The following TANC2 variants were observed in gnomAD, a reference collection of about 807,000 sequenced individuals.
TANC2 encodes protein TANC2.
A neutral mutation model predicts 210.5 loss-of-function variants in TANC2; 26 were observed. The observed-to-expected ratio is 0.12, with a 90% CI of 0.09 to 0.17. The LOEUF is 0.17. Ranked by LOEUF, TANC2 falls within the 10% of genes least tolerant of loss-of-function variation. TANC2 has a pLI of 1.00. For synonymous variants in TANC2, 931 were observed against 967.1 expected (o/e 0.96, Z 0.69); for missense variants, 2,129 against 2,608.9 (o/e 0.82, Z 4.01).
chr17:63,108,219 A>T (rs188732685), intron 4 of TANC2, among the ~76,000 whole-genome samples: 9 of 151,862 alleles, frequency 5.9e-5, no homozygotes, highest in Admixed American at 5.9e-4. Flanking sequence ...AAGGATATGG[A>T]TAATTTGAAT....
chr17:63,342,914 T>TA (rs1230393896), intron 12 of TANC2, among the ~76,000 whole-genome samples: 4 of 152,218 alleles, frequency 2.6e-5, no homozygotes, highest in African/African-American at 9.6e-5. Flanking sequence ...CTATTATAAA[T>TA]ACTGTTCTAA....
intron 11 of TANC2, among the ~76,000 whole-genome samples, chr17:63,329,571 A>C (rs928634681): frequency 7.9e-5 from 12 of 152,180 alleles, no homozygotes; most frequent in Non-Finnish European, 1.8e-4. Context: ...TGTTTGCTTC[A>C]TGTCTCCATG....
chr17:63,203,347 T>C (rs1265775931), intron 7 of TANC2, among the ~76,000 whole-genome samples: 2 of 152,218 alleles, frequency 1.3e-5, no homozygotes, highest in Non-Finnish European at 2.9e-5. Flanking sequence ...AATATGAATA[T>C]CTATACATTT....
chr17:63,147,905 C>T (rs374243618), intron 4 of TANC2, among the ~76,000 whole-genome samples: 3 of 152,142 alleles, frequency 2.0e-5, no homozygotes, highest in Non-Finnish European at 4.4e-5. Context: ...CATATATGCA[C>T]GGTTCAGACT....
chr17:63,387,341 T>C (rs749988421), intron 15 of TANC2, among the ~76,000 whole-genome samples: 4 of 152,180 alleles, frequency 2.6e-5, no homozygotes, highest in Non-Finnish European at 5.9e-5. Flanking sequence ...AGGAAGTTTT[T>C]TCCTAACCCA....
intron 8 of TANC2, among the ~76,000 whole-genome samples, chr17:63,250,402 A>G (rs968941214): frequency 3.8e-4 from 58 of 152,036 alleles, no homozygotes; most frequent in African/African-American, 1.4e-3. Context: ...TCTTCCCAAT[A>G]TAATGTTAAT....
intron 8 of TANC2, among the ~76,000 whole-genome samples, chr17:63,259,639 C>G (rs2043300153): frequency 6.6e-6 from 1 of 152,058 alleles, no homozygotes; most frequent in South Asian, 2.1e-4. Flanking sequence ...TAAAACATGT[C>G]AAACCATTTT....
chr17:63,305,030 C>T (rs967278736), intron 9 of TANC2, among the ~76,000 whole-genome samples: 10 of 152,356 alleles, frequency 6.6e-5, no homozygotes, highest in East Asian at 1.9e-4. Context: ...TCCTATTGTT[C>T]GCTGTTGCCC....
chr17:63,102,028 C>T (rs922253277), intron 4 of TANC2, among the ~76,000 whole-genome samples: 8 of 152,110 alleles, frequency 5.3e-5, no homozygotes, highest in African/African-American at 1.2e-4. Context: ...AGCTGGGGCA[C>T]GATGGCTCAT....
At chr17:63,367,211 C>T (rs1260906250) in intron 14 of TANC2, among the ~76,000 whole-genome samples, 1 of 152,140 alleles carries the variant, frequency 6.6e-6, no homozygotes, top group African/African-American at 2.4e-5. Context: ...AGCTTCTTCT[C>T]CTCTACACCA....
At chr17:63,238,958 G>C (rs1417313798) in intron 8 of TANC2, among the ~76,000 whole-genome samples, 7 of 152,018 alleles carry the variant, frequency 4.6e-5, no homozygotes, top group South Asian at 4.1e-4. Flanking sequence ...CCTCCCACCA[G>C]GTCCCTGACA....
intron 12 of TANC2, among the ~76,000 whole-genome samples, chr17:63,342,955 G>GT (rs1224380924): frequency 1.3e-5 from 2 of 152,206 alleles, no homozygotes; most frequent in African/African-American, 4.8e-5. Flanking sequence ...TTATTTCCAT[G>GT]TTTTTAACTC....
intron 4 of TANC2, among the ~76,000 whole-genome samples, chr17:63,127,892 C>G (rs1473478073): frequency 6.6e-6 from 1 of 152,120 alleles, no homozygotes; most frequent in East Asian, 1.9e-4. Context: ...GTTTTCATTC[C>G]CTTTGTGACA....
At chr17:63,017,276 G>A (rs1044319690) in intron 2 of TANC2, among the ~76,000 whole-genome samples, 7 of 152,120 alleles carry the variant, frequency 4.6e-5, no homozygotes, top group African/African-American at 1.4e-4. Flanking sequence ...CAGAAAGGAT[G>A]ACTAATCCCT....
At chr17:63,044,781 G>A (rs752271859) in intron 2 of TANC2, among the ~76,000 whole-genome samples, 1 of 152,106 alleles carries the variant, frequency 6.6e-6, no homozygotes, top group Admixed American at 6.6e-5. Flanking sequence ...GTAGGAGAAA[G>A]GTAATGTCCT....
At chr17:63,090,574 A>G (rs1370259784) in intron 3 of TANC2, among the ~76,000 whole-genome samples, 1 of 152,176 alleles carries the variant, frequency 6.6e-6, no homozygotes, top group Non-Finnish European at 1.5e-5. Context: ...TCCCTGGTGT[A>G]TATGTGCCAC....
intron 22 of TANC2, 23 bp downstream of exon 22, chr17:63,411,709 C>A: frequency 6.3e-7 from 1 of 1,593,702 alleles, no homozygotes; most frequent in Non-Finnish European, 8.5e-7. Context: ...AAACAAGCCT[C>A]AAGAGAGCAG....
intron 5 of TANC2, among the ~76,000 whole-genome samples, chr17:63,158,213 T>C (rs997391525): frequency 2.6e-5 from 4 of 152,180 alleles, no homozygotes; most frequent in Non-Finnish European, 4.4e-5. Context: ...TTAATATCTC[T>C]AATCTACTCT....
intron 3 of TANC2, among the ~76,000 whole-genome samples, chr17:63,087,266 T>C (rs556079310): frequency 6.6e-6 from 1 of 152,248 alleles, no homozygotes; most frequent in African/African-American, 2.4e-5. Context: ...GACATGATGT[T>C]TTGAGTGGAA....
Sources: allele counts gnomAD v4.1 joint callset (sites outside exome capture counted in the v4.1 genomes callset), GRCh38; gene constraint gnomAD v4.1.1; transcripts MANE v1.5; gene names NCBI Gene and HGNC (gene_info 2026-07-23, HGNC 2026-07-21).